CDH26: variants seen among roughly 807,000 people sequenced by gnomAD.
CDH26 encodes the protein cadherin 26, also known as cadherin-like protein 26.
A neutral mutation model predicts 90.3 loss-of-function variants in CDH26; 83 were observed. The observed-to-expected ratio is 0.92, with a 90% CI of 0.77 to 1.10. CDH26 has a LOEUF of 1.10. Ranked by LOEUF, CDH26 falls within the 50% of genes least tolerant of loss-of-function variation. CDH26 has a pLI of 0.00. For synonymous variants in CDH26, 397 were observed against 396.3 expected, an observed-to-expected ratio of 1.00 and a Z score of -0.02; for missense variants, 1,013 against 1,037.6, an observed-to-expected ratio of 0.98 and a Z score of 0.33.
chr20:59,963,655 T>C (rs886230660), intron 1 of CDH26, among the ~76,000 whole-genome samples: 7 of 152,134 alleles, frequency 4.6e-5, no homozygotes, highest in African/African-American at 1.7e-4. Flanking sequence ...GGCTAGGGGC[T>C]ACCACACTGG....
At chr20:59,966,536 A>G (rs2061151393) in intron 1 of CDH26, among the ~76,000 whole-genome samples, 1 of 152,224 alleles carries the variant, frequency 6.6e-6, no homozygotes, top group African/African-American at 2.4e-5. Context: ...TTTTTCCTGC[A>G]AGTGCGTGAG....
chr20:59,973,156 A>G (rs2061284796), intron 4 of CDH26, among the ~76,000 whole-genome samples: 1 of 152,214 alleles, frequency 6.6e-6, no homozygotes, highest in Non-Finnish European at 1.5e-5. Flanking sequence ...CAGATCACCT[A>G]GGGATCTTGG....
chr20:60,000,799 A>G (rs570548036), intron 14 of CDH26, among the ~76,000 whole-genome samples: 3 of 152,174 alleles, frequency 2.0e-5, no homozygotes, highest in Non-Finnish European at 4.4e-5. Flanking sequence ...CCATTCACAC[A>G]CTTTCTCTAA....
downstream of CDH26, among the ~76,000 whole-genome samples, chr20:60,035,166 T>C (rs1854761468): frequency 6.6e-6 from 1 of 152,268 alleles, no homozygotes; most frequent in Non-Finnish European, 1.5e-5. Flanking sequence ...TTTGTACGAC[T>C]GTGTTATAAC....
rs763265241 is a variant in CDH26, at chr20:59,971,964, G to A, written c.234G>A (p.Leu78=). The part of the protein sequence containing the change: ...PGPFPKLIGE[L]FNNMSYNMSL... Reference sequence around the variant, plus strand: ...CTTTCCATTTTTCCTCCTTCCAGCTGTTCAATAATATGTCTTATAACATGT... The same window carrying A: ...CTTTCCATTTTTCCTCCTTCCAGCTATTCAATAATATGTCTTATAACATGT... The change falls in exon 4 of 18, where the codon CTG becomes CTA. Residue 78 remains leucine, a splice_region_variant and synonymous_variant. Coordinates refer to ENST00000348616, the MANE Select transcript of CDH26 (RefSeq NM_177980.4). 24 of 1,611,072 alleles carry A rather than the reference G, an allele frequency of 1.5e-5. No individual in the cohort carries two copies. The highest frequency in any genetic ancestry group is 2.0e-5 in the Non-Finnish European group (24 of 1,178,326).
Position 59,970,162 on chromosome 20 carries a change from A to G in CDH26, c.207A>G (p.Gly69=), listed in dbSNP as rs1220627967. The stretch of plus-strand genomic sequence containing the variant: ...TGGAGCTGGAGGAGGAAGACCCGGG[A>G]CCCTTTCCCAAACTCATTGGTGAGG... ...TTLELEEEDP[G]PFPKLIGELF... is the part of the protein sequence containing the mutation. The change falls in exon 3 of 18, where the codon GGA becomes GGG. Residue 69 remains glycine, a synonymous_variant. Transcript: ENST00000348616. The G allele has an allele frequency of 1.2e-6, 2 of 1,613,946 alleles. No homozygotes were observed. The highest frequency in any genetic ancestry group is 2.7e-5 in the African/African-American group (2 of 74,982).
chr20:60,014,767 G>A (rs369069721), downstream of CDH26, among the ~76,000 whole-genome samples: 22 of 152,312 alleles, frequency 1.4e-4, no homozygotes, highest in South Asian at 2.1e-3. Flanking sequence ...AACATGAGGT[G>A]CAGATGTCTC....
chr20:59,967,857 C>CT (rs1246199894), intron 1 of CDH26, among the ~76,000 whole-genome samples: 1 of 104,586 alleles, frequency 9.6e-6, no homozygotes, highest in Non-Finnish European at 1.8e-5. Context: ...TTCTTTCTTT[C>CT]TTTCTTTCTT....
intron 2 of CDH26, 123 bp downstream of exon 2, chr20:59,969,146 G>A: frequency 1.6e-6 from 1 of 617,318 alleles, no homozygotes; most frequent in South Asian, 2.2e-5. Flanking sequence ...AAATAAAATA[G>A]TAACTTCATG....
At chr20:59,966,736 G>T (rs1289088439) in intron 1 of CDH26, among the ~76,000 whole-genome samples, 2 of 152,124 alleles carry the variant, frequency 1.3e-5, no homozygotes, top group Non-Finnish European at 2.9e-5. Context: ...TCTCTTACAG[G>T]GCTGTGGAAA....
At chr20:60,034,584 GGGAGAGCCGACAGCAGTGT>G (rs919133385), downstream of CDH26, among the ~76,000 whole-genome samples, 1 of 152,208 alleles carries the variant, frequency 6.6e-6, no homozygotes, top group African/African-American at 2.4e-5. Flanking sequence ...AGGCAGCCCG[GGGAGAGCCGACAGCAGTGT>G]GGGCGCCAGG....
In CDH26 at chr20:59,985,146, G is replaced by A. The variant is rs369241088; in HGVS notation, c.837+17G>A. The A allele has an allele frequency of 2.7e-4, 439 of 1,611,842 alleles. No individual in the cohort carries two copies. Among genetic ancestry groups the A allele is most frequent in the African/African-American group, 7.7e-4 (58 of 74,974 alleles). On this transcript the variant is annotated intron_variant, in intron 7 of 17. Transcript: ENST00000348616. ...CAGGAGAACGTGAGGCTCCTGGGCCGCCCCAACGTCTAAGCCCCAAAACAA... is the reference window on the plus strand; with the variant it reads ...CAGGAGAACGTGAGGCTCCTGGGCCACCCCAACGTCTAAGCCCCAAAACAA...
chr20:60,032,492 G>C (rs113020496), intron 8 of CDH26, among the ~76,000 whole-genome samples: 1 of 152,146 alleles, frequency 6.6e-6, no homozygotes, highest in Admixed American at 6.5e-5. Flanking sequence ...ATGGAATTAC[G>C]AAGAACTTGA....
chr20:60,019,171 A>C (rs1265573269), downstream of CDH26, among the ~76,000 whole-genome samples: 1 of 152,112 alleles, frequency 6.6e-6, no homozygotes, highest in Non-Finnish European at 1.5e-5. Context: ...TGACAATTTG[A>C]CTATAATGTG....
At chr20:59,980,730 T>G (rs1183650677) in intron 4 of CDH26, among the ~76,000 whole-genome samples, 2 of 152,242 alleles carry the variant, frequency 1.3e-5, no homozygotes, top group African/African-American at 4.8e-5. Flanking sequence ...TTCATTCTTT[T>G]AACAGCATTT....
Position 60,002,805 on chromosome 20 carries a change from T to C in CDH26, c.2167-8T>C, listed in dbSNP as rs745825927. On this transcript the variant is annotated splice_region_variant and splice_polypyrimidine_tract_variant and intron_variant, in intron 15 of 17. Coordinates refer to ENST00000348616, the MANE Select transcript of CDH26 (RefSeq NM_177980.4). ...TTGAAATCAGTAAATATTTCATCTT[T>C]CTTTAAGGGTTATGGCAAGCCCTTT... The C allele has an allele frequency of 5.0e-6, 8 of 1,586,262 alleles. No homozygotes were observed. In the East Asian group the frequency reaches 1.8e-4, roughly 36 times the overall value.
Position 59,982,912 on chromosome 20 carries a change from C to A in CDH26, c.394-11C>A, listed in dbSNP as rs1192082980. The A allele has an allele frequency of 6.2e-7, 1 of 1,611,600 alleles. No homozygotes were observed. Among genetic ancestry groups the A allele is most frequent in the Non-Finnish European group, 8.5e-7 (1 of 1,178,816 alleles). On this transcript the variant is annotated splice_polypyrimidine_tract_variant and intron_variant, in intron 4 of 17. Transcript: ENST00000348616. ...GGTTCTGCAGGATTTTTACAGCTCT[C>A]TGCTTCCTAGGTTTATTTTGATGTT... is the stretch of plus-strand genomic sequence containing the variant.
chr20:59,976,718 T>C (rs1208919465), intron 4 of CDH26, among the ~76,000 whole-genome samples: 6 of 152,140 alleles, frequency 3.9e-5, no homozygotes, highest in Non-Finnish European at 7.4e-5. Flanking sequence ...TCAGTCCTGC[T>C]GTGGGGGAGG....
intron 4 of CDH26, among the ~76,000 whole-genome samples, chr20:59,979,601 CTTTTTTTTTTTTTTTTTTTTTTTT>C (rs559969476): frequency 0.018 from 832 of 47,474 alleles, 25 homozygotes; most frequent in African/African-American, 0.057. Flanking sequence ...CTGCTATGCA[CTTTTTTTTTTTTTTTTTTTTTTTT>C]TTTTTTTTTT....
Sources: gnomAD v4.1 joint callset for allele counts (sites outside exome capture counted in the v4.1 genomes callset) on GRCh38, gnomAD v4.1.1 for gene constraint, MANE v1.5 for transcripts, NCBI Gene and HGNC (gene_info 2026-07-23, HGNC 2026-07-21) for gene names.